SZT2: variants seen among roughly 807,000 people sequenced by gnomAD.
SZT2 encodes the protein SZT2 subunit of KICSTOR complex, also known as KICSTOR complex protein SZT2.
SZT2 carries 216 observed loss-of-function variants against 404.2 expected under a neutral mutation model. The observed-to-expected ratio is 0.53, with a 90% CI of 0.48 to 0.60. SZT2 has a LOEUF of 0.60. SZT2 is among the 20% of genes least tolerant of loss of function. The pLI is 0.00. For synonymous variants in SZT2, 1,693 were observed against 1,749.9 expected (o/e 0.97, Z 0.81); for missense variants, 3,857 against 4,459.2 (o/e 0.86, Z 3.85).
intron 70 of SZT2, chr1:43,449,814 C>T (rs946416649): frequency 7.7e-6 from 4 of 517,316 alleles, no homozygotes; most frequent in African/African-American, 1.9e-5. Flanking sequence ...GAGGTTGTGC[C>T]AGGGGTACAG....
At chr1:43,440,961 A>G (rs944286615) in intron 52 of SZT2, among the ~76,000 whole-genome samples, 4 of 152,238 alleles carry the variant, frequency 2.6e-5, no homozygotes, top group African/African-American at 7.2e-5. Flanking sequence ...TTAACTTACT[A>G]TGTGCCTTCA....
At chr1:43,432,034 C>A in intron 36 of SZT2, 133 bp downstream of exon 36, 1 of 1,234,766 alleles carries the variant, frequency 8.1e-7, no homozygotes, top group Non-Finnish European at 1.1e-6. Flanking sequence ...CTCACCACAT[C>A]ATCTGCCCTA....
intron 41 of SZT2, among the ~76,000 whole-genome samples, 187 bp from the exon 42 acceptor site, chr1:43,435,013 A>T (rs901119833): frequency 6.6e-6 from 1 of 152,202 alleles, no homozygotes; most frequent in South Asian, 2.1e-4. Flanking sequence ...CAAAGGGGCA[A>T]GTGTTCCTGA....
rs1185589073 is a variant in SZT2, at chr1:43,440,447, C to A, written c.7211-6C>A. 2 of 1,582,392 alleles carry A rather than the reference C, an allele frequency of 1.3e-6. No homozygotes were observed. Among genetic ancestry groups the A allele is most frequent in the South Asian group, 1.2e-5 (1 of 86,272 alleles). ...GATGGGTGTCTGTAATGTCTGATGT[C>A]CACAGGAAGTCTCAGGAACGGATCG... On this transcript the variant is annotated splice_polypyrimidine_tract_variant and splice_region_variant and intron_variant, in intron 51 of 71. Coordinates refer to ENST00000634258, the MANE Select transcript of SZT2 (RefSeq NM_001365999.1).
At chr1:43,438,578 A>T in intron 46 of SZT2, 121 bp from the exon 47 acceptor site, 1 of 919,828 alleles carries the variant, frequency 1.1e-6, no homozygotes, top group Admixed American at 2.1e-5. Context: ...CTCCAGAGCC[A>T]GCACTCCTAA....
At position 43,440,065 on chromosome 1, in the gene SZT2, G is replaced by T. The variant is rs764485411; in HGVS notation, c.7210+17G>T. The stretch of plus-strand genomic sequence containing the variant: ...CACCCACAGGTATGCAAGTCAAGAG[G>T]TCCCTGGGGTCCAGAGAATGTCACA... On this transcript the variant is annotated intron_variant, in intron 51 of 71. Coordinates refer to ENST00000634258, the MANE Select transcript of SZT2 (RefSeq NM_001365999.1). The T allele has an allele frequency of 1.2e-6, 2 of 1,613,492 alleles. No homozygotes were observed. Among genetic ancestry groups the T allele is most frequent in the Non-Finnish European group, 1.7e-6 (2 of 1,179,774 alleles).
intron 1 of SZT2, chr1:43,394,102 G>A (rs1648713767): frequency 1.0e-6 from 1 of 984,570 alleles, no homozygotes. Context: ...GAAGCTCCAT[G>A]TGAGTGTGGA....
At chr1:43,390,632 C>T (rs760264512) in intron 1 of SZT2, among the ~76,000 whole-genome samples, 2 of 152,176 alleles carry the variant, frequency 1.3e-5, no homozygotes, top group Non-Finnish European at 2.9e-5. Flanking sequence ...TGCTAAGGAA[C>T]ATGCAAGGAA....
In SZT2 at chr1:43,448,073, C is replaced by A. The variant is rs759256085; in HGVS notation, c.9564-6C>A. On this transcript the variant is annotated splice_region_variant and splice_polypyrimidine_tract_variant and intron_variant, in intron 68 of 71. Transcript: ENST00000634258. This position sits in a 1 kb window ranked among gnomAD's most constrained non-coding sequence, Gnocchi z 4.2. ...CACCACTCTCCTGCCCTGCTCCCCA[C>A]CCCAGGCTACAGTTCTTCGTGGTGC... is the stretch of plus-strand genomic sequence containing the variant. 1.1e-5 allele frequency: 17 copies of A among 1,598,506 alleles called. No individual in the cohort carries two copies. Among genetic ancestry groups the A allele is most frequent in the Non-Finnish European group, 1.4e-5 (16 of 1,169,454 alleles).
Position 43,442,029 on chromosome 1 carries a change from G to T in SZT2, c.7772G>T (p.Cys2591Phe). 1 of 1,613,962 alleles carries T rather than the reference G, an allele frequency of 6.2e-7. No individual in the cohort carries two copies. Residue 2591 changes from cysteine to phenylalanine, a missense_variant, in exon 56 of 72, where the codon TGT (cysteine) becomes TTT (phenylalanine). By Grantham distance (205) the Cys-to-Phe change is radical. Coordinates refer to ENST00000634258, the MANE Select transcript of SZT2 (RefSeq NM_001365999.1). This position sits in a 1 kb window ranked among gnomAD's most constrained non-coding sequence, Gnocchi z 4.5. ...TCAGAGCCAGAGATCTTCGGCCCTT[G>T]TTCCCCTGGGCAACTGGGCCCCTCT... ...LGSEPEIFGP[C>F]SPGQLGPSPR... is the part of the protein sequence containing the mutation.
Position 43,439,481 on chromosome 1 carries a change from A to C in SZT2, c.6877+39A>C. On this transcript the variant is annotated intron_variant, in intron 49 of 71. Transcript: ENST00000634258. The surrounding 1 kb of genome is among the most constrained non-coding windows in gnomAD (Gnocchi z 4.2). ...CACGGGCCTGTGGCACCACCAGGTGAGGGAAAGCCTTTTGTCATCCTATTG... is the reference window on the plus strand; with the variant it reads ...CACGGGCCTGTGGCACCACCAGGTGCGGGAAAGCCTTTTGTCATCCTATTG... 1 of 1,597,980 alleles carries C rather than the reference A, an allele frequency of 6.3e-7. No homozygotes were observed. Among genetic ancestry groups the C allele is most frequent in the Non-Finnish European group, 8.5e-7 (1 of 1,170,586 alleles).
At position 43,425,464 on chromosome 1, in the gene SZT2, C is replaced by A; in HGVS notation, c.2646-10C>A. 1 of 1,614,046 alleles carries A rather than the reference C, an allele frequency of 6.2e-7. No homozygotes were observed. Among genetic ancestry groups the A allele is most frequent in the African/African-American group, 1.3e-5 (1 of 75,056 alleles). On this transcript the variant is annotated splice_polypyrimidine_tract_variant and intron_variant, in intron 18 of 71. Coordinates refer to ENST00000634258, the MANE Select transcript of SZT2 (RefSeq NM_001365999.1). This position sits in a 1 kb window ranked among gnomAD's most constrained non-coding sequence, Gnocchi z 4.3. ...GCTGTGCATTGGACTCAGAGCCCTT[C>A]CTCCTTTAGCTTCTCGACAGATGAT...
rs1411163570 is a variant in SZT2, at chr1:43,452,175, T to G, written c.*1695T>G. 2.5e-6 allele frequency: 4 copies of G among 1,572,220 alleles called. No homozygotes were observed. Among genetic ancestry groups the G allele is most frequent in the Non-Finnish European group, 3.5e-6 (4 of 1,146,430 alleles). ...TTCTCCGCACACCCACAGAGACATG[T>G]AAGTACGTGTGTGTTTCCACCTTTC... On this transcript the variant is annotated 3_prime_UTR_variant, in exon 72 of 72. Coordinates refer to ENST00000634258, the MANE Select transcript of SZT2 (RefSeq NM_001365999.1).
chr1:43,416,577 T>C lies in SZT2; in HGVS notation c.815T>C (p.Val272Ala). ...ITDGVTSVPD[V>A]AVCETLLNQL... ...GATGGGGTGACCAGTGTACCTGATG[T>C]TGCTGTCTGTGAGACACTGCTGAAC... Residue 272 changes from valine (V) to alanine (A), a missense_variant, in exon 7 of 72, where the codon GTT becomes GCT. Val to Ala is a moderately conservative substitution (Grantham distance 64). Around this residue, in one of 7 missense-constraint regions of SZT2, gnomAD observed 536 missense variants for 637.4 expected, o/e 0.84. Coordinates refer to ENST00000634258, the MANE Select transcript of SZT2 (RefSeq NM_001365999.1). The C allele has an allele frequency of 6.3e-7, 1 of 1,598,408 alleles. No individual in the cohort carries two copies. Among genetic ancestry groups the C allele is most frequent in the Non-Finnish European group, 8.5e-7 (1 of 1,179,808 alleles).
intron 15 of SZT2, 129 bp downstream of exon 15, chr1:43,423,445 G>T (rs1373843036): frequency 1.1e-6 from 1 of 939,490 alleles, no homozygotes; most frequent in African/African-American, 1.7e-5. Flanking sequence ...GGTATGAGTG[G>T]TACAAAGGTG....
rs188307060 is a variant in SZT2, at chr1:43,447,300, C to T, written c.9286+132C>T. The T allele has an allele frequency of 4.2e-4, 481 of 1,150,308 alleles. 2 individuals carry two copies. In the East Asian group the frequency reaches 7.7e-3, roughly 18 times the overall value. 71.3% of individuals were successfully genotyped at this position (1,150,308 alleles called of 1,614,324 possible). The stretch of plus-strand genomic sequence containing the variant: ...TAATCATCTCATGTCACACATACCA[C>T]GTCCCCATGTTTCTGTCCTGTGTCT... On this transcript the variant is annotated intron_variant, in intron 66 of 71. Coordinates refer to ENST00000634258, the MANE Select transcript of SZT2 (RefSeq NM_001365999.1).
Position 43,434,477 on chromosome 1 carries a change from G to T in SZT2, c.5896G>T (p.Val1966Phe). 1.9e-6 allele frequency: 3 copies of T among 1,593,314 alleles called. No individual in the cohort carries two copies. The highest frequency in any genetic ancestry group is 2.6e-6 in the Non-Finnish European group (3 of 1,171,342). ...GCGAGTTGGGGAGATCTGCAGGGAGGTCAACCAGGTAAGGGGCAGGACTCT... is the reference window on the plus strand; with the variant it reads ...GCGAGTTGGGGAGATCTGCAGGGAGTTCAACCAGGTAAGGGGCAGGACTCT... ...VRRVGEICREVNQRLLLQDLH... is the reference protein window; with the variant it reads ...VRRVGEICREFNQRLLLQDLH... The change falls in exon 41 of 72, where the codon GTC (valine) becomes TTC (phenylalanine). Residue 1966 changes from valine (V) to phenylalanine (F), a missense_variant. Physicochemically the swap from Val to Phe is conservative, Grantham distance 50. Transcript: ENST00000634258.
chr1:43,429,896 A>G lies in SZT2; in HGVS notation c.4308+52A>G, dbSNP rs779015198. ...AGGTGTTAGAGTCCTGCCTGTGCAG[A>G]GGGACAGGATTCTCTCCTGGGCGGG... On this transcript the variant is annotated intron_variant, in intron 29 of 71. Transcript: ENST00000634258. The G allele has an allele frequency of 3.1e-6, 5 of 1,612,812 alleles. No homozygotes were observed. In the South Asian group the frequency reaches 3.3e-5, roughly 11 times the overall value.
rs752523228 is a variant in SZT2 at position 43,438,983 on chromosome 1, ACCT to A, written c.6686_6688del (p.Ser2229del). ...AGAGGTGCTGCATCTGGCCCTACCCACCTCCTGCAGGCCCTGGCTTCCAGCCCT... is the reference window on the plus strand; with the variant it reads ...AGAGGTGCTGCATCTGGCCCTACCCACCTGCAGGCCCTGGCTTCCAGCCCT... On this transcript the variant is annotated inframe_deletion, in exon 48 of 72. Transcript: ENST00000634258. 2 of 1,613,478 alleles carry A rather than the reference ACCT, an allele frequency of 1.2e-6. No homozygotes were observed. The highest frequency in any genetic ancestry group is 1.7e-6 in the Non-Finnish European group (2 of 1,179,880).
Sources: allele counts gnomAD v4.1 joint callset (sites outside exome capture counted in the v4.1 genomes callset), GRCh38; gene constraint gnomAD v4.1.1; regional missense constraint gnomAD v4.1.1; non-coding constraint Gnocchi (gnomAD v3.1); transcripts MANE v1.5; gene names NCBI Gene and HGNC (gene_info 2026-07-23, HGNC 2026-07-21).